COBL: variants seen among roughly 807,000 people sequenced by gnomAD.
COBL encodes the protein protein cordon-bleu.
In COBL, 51 loss-of-function variants were observed where a neutral mutation model predicts 98.8. The observed-to-expected ratio is 0.52, with a 90% confidence interval of 0.41 to 0.65. The LOEUF is 0.65. COBL is among the 30% of genes least tolerant of loss of function. COBL has a pLI of 0.00. For missense variants in COBL, 1,617 were observed against 1,617.5 expected (o/e 1.00, Z 0.01); for synonymous variants, 634 against 651.7 (o/e 0.97, Z 0.41).
intron 1 of COBL, among the ~76,000 whole-genome samples, chr7:51,237,463 A>G (rs1795362339): frequency 6.6e-6 from 1 of 151,842 alleles, no homozygotes. Context: ...CTAAGATGTA[A>G]CAGCTGAATT....
At chr7:51,133,841 A>T (rs978005300) in intron 6 of COBL, among the ~76,000 whole-genome samples, 2 of 152,228 alleles carry the variant, frequency 1.3e-5, no homozygotes, top group African/African-American at 4.8e-5. Flanking sequence ...ACAAATACTA[A>T]CTATGGTTAC....
chr7:51,266,216 A>G (rs1413513634), intron 1 of COBL, among the ~76,000 whole-genome samples: 1 of 152,240 alleles, frequency 6.6e-6, no homozygotes, highest in Non-Finnish European at 1.5e-5. Context: ...TATAGATTGA[A>G]AACTAATTGT....
At chr7:51,310,082 C>T (rs751844541) in intron 1 of COBL, among the ~76,000 whole-genome samples, 4 of 152,192 alleles carry the variant, frequency 2.6e-5, no homozygotes, top group Admixed American at 1.3e-4. Flanking sequence ...GCTGGAGCCT[C>T]GCTGTCCACT....
chr7:51,266,411 T>G (rs957925172), intron 1 of COBL, among the ~76,000 whole-genome samples: 1 of 152,122 alleles, frequency 6.6e-6, no homozygotes, highest in Non-Finnish European at 1.5e-5. Context: ...AAACCCCATC[T>G]CTACTAAAAA....
intron 2 of COBL, among the ~76,000 whole-genome samples, chr7:51,206,219 C>T (rs374904629): frequency 4.6e-5 from 7 of 152,198 alleles, no homozygotes; most frequent in African/African-American, 1.2e-4. Context: ...GGGCCAGGCA[C>T]GGTGGTTCAC....
Position 51,272,890 on chromosome 7 carries a change from C to G in COBL, c.41+43703G>C, listed in dbSNP as rs115033930. Among the ~76,000 whole-genome samples, 1,385 of 152,192 alleles carry G rather than the reference C, an allele frequency of 9.1e-3. 18 individuals are homozygous for G. The highest frequency in any genetic ancestry group is 0.031 in the African/African-American group (1,300 of 41,506). On this transcript the variant is annotated intron_variant, in intron 1 of 12. Transcript: ENST00000265136. ...CAGGTAAAGACAACTTAATACTACA[C>G]AAGTCCAGTCATTTCTCCCCCTCTC...
intron 5 of COBL, among the ~76,000 whole-genome samples, chr7:51,180,820 C>G (rs1205846628): frequency 2.0e-4 from 30 of 152,108 alleles, no homozygotes; most frequent in Admixed American, 2.0e-3. Context: ...TCAGTTGTTC[C>G]CTAATGGAAT....
At chr7:51,229,088 A>G (rs1160039369) in intron 1 of COBL, among the ~76,000 whole-genome samples, 1 of 152,172 alleles carries the variant, frequency 6.6e-6, no homozygotes, top group East Asian at 1.9e-4. Flanking sequence ...AAGGAGCACA[A>G]AGGGCTTTCT....
chr7:51,285,206 A>C (rs1800233490), intron 1 of COBL, among the ~76,000 whole-genome samples: 1 of 152,136 alleles, frequency 6.6e-6, no homozygotes, highest in South Asian at 2.1e-4. Context: ...CAGCCTCCTA[A>C]AGTGCTGGGA....
intron 8 of COBL, among the ~76,000 whole-genome samples, chr7:51,038,248 T>C (rs1024097228): frequency 2.6e-5 from 4 of 152,240 alleles, no homozygotes; most frequent in Non-Finnish European, 5.9e-5. Flanking sequence ...GGACACCGAA[T>C]GGAGCCCACC....
chr7:51,102,491 C>G (rs373855617), intron 6 of COBL, among the ~76,000 whole-genome samples: 1 of 152,196 alleles, frequency 6.6e-6, no homozygotes, highest in African/African-American at 2.4e-5. Context: ...CTATACCTCA[C>G]TCTGGGAGTG....
At chr7:51,285,136 A>G (rs1800220063) in intron 1 of COBL, among the ~76,000 whole-genome samples, 1 of 151,922 alleles carries the variant, frequency 6.6e-6, no homozygotes, top group Admixed American at 6.6e-5. Flanking sequence ...TAGTACAGAC[A>G]GGGTTTCAAC....
chr7:51,161,496 G>C (rs183739658), intron 5 of COBL, among the ~76,000 whole-genome samples: 1 of 152,294 alleles, frequency 6.6e-6, no homozygotes, highest in East Asian at 1.9e-4. Flanking sequence ...AACTTTTTTA[G>C]GGCTTTTGCT....
Position 51,027,735 on chromosome 7 carries a change from C to G in COBL, c.3361G>C (p.Gly1121Arg). ...ACCTTGCGTAGTCTGTCCTTCCCTC[C>G]CGCAGAGTGGATGGCTTCCATCAGG... The part of the protein sequence containing the change: ...SALMEAIHSA[G>R]GKDRLRKTAE... The change falls in exon 10 of 13, where the codon GGA (glycine) becomes CGA (arginine). Residue 1121 changes from glycine (G) to arginine (R), a missense_variant. By Grantham distance (125) the Gly-to-Arg change is moderately radical. Transcript: ENST00000265136. 6.2e-7 allele frequency: 1 copy of G among 1,613,736 alleles called. No individual in the cohort carries two copies. The highest frequency in any genetic ancestry group is 1.3e-5 in the African/African-American group (1 of 75,042).
intron 7 of COBL, among the ~76,000 whole-genome samples, chr7:51,055,395 T>G (rs1258851558): frequency 6.6e-6 from 1 of 152,196 alleles, no homozygotes; most frequent in African/African-American, 2.4e-5. Context: ...TTAGTGAAGA[T>G]TAAACGAGAC....
chr7:51,108,525 G>T (rs891560853), intron 6 of COBL, among the ~76,000 whole-genome samples: 2 of 152,160 alleles, frequency 1.3e-5, no homozygotes, highest in Non-Finnish European at 2.9e-5. Flanking sequence ...TATTGAAGTC[G>T]CTGGCAAACA....
At chr7:51,227,401 G>A (rs562320019) in intron 1 of COBL, among the ~76,000 whole-genome samples, 1 of 152,254 alleles carries the variant, frequency 6.6e-6, no homozygotes, top group Non-Finnish European at 1.5e-5. Flanking sequence ...TGGCAGAGCT[G>A]GAACAGACCC....
At chr7:51,174,526 G>A (rs992191131) in intron 5 of COBL, among the ~76,000 whole-genome samples, 7 of 152,146 alleles carry the variant, frequency 4.6e-5, no homozygotes, top group African/African-American at 1.7e-4. Context: ...GCAGTGAAAT[G>A]CACATCAGTC....
At chr7:51,231,802 A>G (rs1268922758) in intron 1 of COBL, among the ~76,000 whole-genome samples, 1 of 152,218 alleles carries the variant, frequency 6.6e-6, no homozygotes. Flanking sequence ...ACCCGCAGAT[A>G]AACGCCACAA....
Sources: allele counts gnomAD v4.1 joint callset (sites outside exome capture counted in the v4.1 genomes callset), GRCh38; gene constraint gnomAD v4.1.1; transcripts MANE v1.5; gene names NCBI Gene and HGNC (gene_info 2026-07-23, HGNC 2026-07-21).